Variants in TM2D1 observed in about 807,000 individuals in gnomAD.
The protein encoded by TM2D1 is TM2 domain containing 1.
Under a neutral mutation model 28.4 loss-of-function variants are expected in TM2D1, and 15 were observed. The ratio of observed to expected loss-of-function variants is 0.53; its 90% CI spans 0.35 to 0.81. TM2D1 has a LOEUF of 0.81. Among genes scored for constraint, TM2D1 ranks in the 40% least tolerant of loss-of-function variants. TM2D1 has a pLI of 0.01. For missense variants in TM2D1, 236 were observed against 254.9 expected, an observed-to-expected ratio of 0.93 and a Z score of 0.50; for synonymous variants, 93 against 96.2, an observed-to-expected ratio of 0.97 and a Z score of 0.20.
intron 3 of TM2D1, among the ~76,000 whole-genome samples, chr1:61,703,754 A>G (rs1314206609): frequency 2.0e-5 from 1 of 51,194 alleles, no homozygotes; most frequent in African/African-American, 8.7e-5. Flanking sequence ...ATATATATAT[A>G]TGCATTTTTT....
chr1:61,709,056 T>G (rs12138458), intron 3 of TM2D1, among the ~76,000 whole-genome samples: 51,996 of 151,866 alleles, frequency 0.34, 10,747 homozygotes, highest in East Asian at 0.48. Flanking sequence ...CTCCAGCTAC[T>G]TACAGGACTG....
At chr1:61,703,718 TTATATATATATATATATATATA>T (rs56267637) in intron 3 of TM2D1, among the ~76,000 whole-genome samples, 10 of 99,088 alleles carry the variant, frequency 1.0e-4, no homozygotes, top group Admixed American at 5.5e-4. Context: ...TAGCCAATCT[TTATATATATATATATATATATA>T]TATATATATA....
chr1:61,725,019 C>T lies in TM2D1; in HGVS notation c.102G>A (p.Gly34=). Residue 34 remains glycine (G), a synonymous_variant, in exon 1 of 7, where the codon GGG becomes GGA. Transcript: ENST00000606498. ...WFVSVTTGPW[G]AVATSAGGEE... is the part of the protein sequence containing the mutation. ...CGCCCCCGGCGGAGGTGGCAACAGCCCCCCAGGGTCCTGTAGTGACTGAGA... is the reference window on the plus strand; with the variant it reads ...CGCCCCCGGCGGAGGTGGCAACAGCTCCCCAGGGTCCTGTAGTGACTGAGA... The T allele has an allele frequency of 6.2e-7, 1 of 1,611,928 alleles. No homozygotes were observed. The highest frequency in any genetic ancestry group is 8.5e-7 in the Non-Finnish European group (1 of 1,178,268).
At chr1:61,701,310 CAAAAAAAAAAAAA>C (rs10587870) in intron 3 of TM2D1, among the ~76,000 whole-genome samples, 8 of 84,078 alleles carry the variant, frequency 9.5e-5, no homozygotes, top group African/African-American at 1.7e-4. Context: ...TAAATGTTAA[CAAAAAAAAAAAAA>C]AAAAAAAAAA....
intron 3 of TM2D1, 80 bp downstream of exon 3, chr1:61,709,249 A>G: frequency 4.6e-6 from 4 of 861,918 alleles, no homozygotes; most frequent in Non-Finnish European, 7.6e-6. Flanking sequence ...TAGTCCCCAT[A>G]AATTATCTCC....
intron 5 of TM2D1, among the ~76,000 whole-genome samples, chr1:61,691,932 A>AAAAATATATATATATATATATATATATAT: frequency 1.3e-5 from 1 of 76,404 alleles, no homozygotes; most frequent in Non-Finnish European, 2.6e-5. Flanking sequence ...AAAAAAAAAA[A>AAAAATATATATATATATATATATATATAT]ATATATATAT....
chr1:61,697,873 T>C (rs1210326856), intron 4 of TM2D1: 1 of 152,186 alleles, frequency 6.6e-6, no homozygotes, highest in Non-Finnish European at 1.5e-5. Flanking sequence ...TAGGTAATAT[T>C]TACCAGTTCC....
intron 3 of TM2D1, among the ~76,000 whole-genome samples, chr1:61,706,458 A>G (rs1570114631): frequency 1.3e-5 from 2 of 151,430 alleles, no homozygotes; most frequent in South Asian, 4.3e-4. Context: ...TTGGCCTCCC[A>G]AAGTGCTGGG....
At chr1:61,724,558 G>A in intron 1 of TM2D1, 1 of 178,942 alleles carries the variant, frequency 5.6e-6, no homozygotes. Context: ...TGGCTAGATC[G>A]TTATTACTTG....
rs373304497 is a variant in TM2D1 at position 61,709,366 on chromosome 1, C to T, written c.310G>A (p.Glu104Lys). 163 of 1,602,676 alleles carry T rather than the reference C, an allele frequency of 1.0e-4. 1 individual carries two copies. The highest frequency in any genetic ancestry group is 1.3e-4 in the Non-Finnish European group (156 of 1,172,532). The change falls in exon 3 of 7, where the codon GAA (glutamate) becomes AAA (lysine). Residue 104 changes from glutamate (E) to lysine (K), a missense_variant. Around this residue, in one of 3 missense-constraint regions of TM2D1, gnomAD observed 167 missense variants for 162.7 expected, o/e 1.03. Transcript: ENST00000606498. ...SGNETHFTGN[E>K]VGFFKPISCR... The stretch of plus-strand genomic sequence containing the variant: ...GATATGGGCTTGAAAAAACCAACTT[C>T]GTTCCCAGTAAAATGTGTTTCATTG...
intron 2 of TM2D1, among the ~76,000 whole-genome samples, chr1:61,720,478 A>G (rs1187098274): frequency 3.3e-5 from 5 of 152,078 alleles, no homozygotes; most frequent in Admixed American, 2.0e-4. Flanking sequence ...CTGACCTCAC[A>G]TGATCCGCAC....
At chr1:61,690,067 CAG>C (rs1289560471) in intron 5 of TM2D1, among the ~76,000 whole-genome samples, 2 of 152,180 alleles carry the variant, frequency 1.3e-5, no homozygotes, top group African/African-American at 2.4e-5. Flanking sequence ...ATCTATGAAG[CAG>C]AGAGTCCTTA....
At chr1:61,717,505 GATA>G (rs1644530901) in intron 2 of TM2D1, among the ~76,000 whole-genome samples, 2 of 152,152 alleles carry the variant, frequency 1.3e-5, no homozygotes, top group South Asian at 2.1e-4. Context: ...CTAGGATTTA[GATA>G]ATATCAATTC....
At chr1:61,724,109 T>G (rs1036477558) in intron 1 of TM2D1, among the ~76,000 whole-genome samples, 1 of 152,182 alleles carries the variant, frequency 6.6e-6, no homozygotes, top group African/African-American at 2.4e-5. Context: ...TTTTTACTCA[T>G]GAGAAAACAG....
chr1:61,683,635 T>C, intron 5 of TM2D1, 89 bp from the exon 6 acceptor site: 1 of 697,898 alleles, frequency 1.4e-6, no homozygotes, highest in East Asian at 3.3e-5. Context: ...AATAAAAGTA[T>C]TTCAGAAGCA....
chr1:61,686,738 T>C, intron 5 of TM2D1: 10 of 885,938 alleles, frequency 1.1e-5, no homozygotes, highest in Non-Finnish European at 1.4e-5. Flanking sequence ...GTGCCAATTC[T>C]AACATCTGTC....
intron 3 of TM2D1, among the ~76,000 whole-genome samples, chr1:61,704,396 G>A (rs1644426063): frequency 6.6e-6 from 1 of 151,952 alleles, no homozygotes; most frequent in African/African-American, 2.4e-5. Flanking sequence ...TACACTATAA[G>A]CCAAAAAAAG....
chr1:61,704,911 A>C (rs1225033464), intron 3 of TM2D1, among the ~76,000 whole-genome samples: 1 of 152,180 alleles, frequency 6.6e-6, no homozygotes. Flanking sequence ...TCTATATTAA[A>C]AAGAGAGAGA....
At chr1:61,690,515 A>G (rs887195278) in intron 5 of TM2D1, among the ~76,000 whole-genome samples, 3 of 151,836 alleles carry the variant, frequency 2.0e-5, no homozygotes, top group Admixed American at 1.3e-4. Context: ...AATACAGTCT[A>G]AAGTATTTTG....
Sources: allele counts gnomAD v4.1 joint callset (sites outside exome capture counted in the v4.1 genomes callset), GRCh38; gene constraint gnomAD v4.1.1; regional missense constraint gnomAD v4.1.1; transcripts MANE v1.5; gene names NCBI Gene and HGNC (gene_info 2026-07-23, HGNC 2026-07-21).